EFCC1: variants seen among roughly 807,000 people sequenced by gnomAD.
EFCC1 encodes the protein EF-hand and coiled-coil domain containing 1.
EFCC1 carries 50 observed loss-of-function variants against 52.1 expected under a neutral mutation model. The ratio of observed to expected loss-of-function variants is 0.96; its 90% CI spans 0.76 to 1.21. EFCC1 has a LOEUF of 1.21. Among genes scored for constraint, EFCC1 ranks in the 50% most tolerant of loss-of-function variants. The pLI is 0.00. For synonymous variants in EFCC1, 399 were observed against 396.5 expected (o/e 1.01, Z -0.08); for missense variants, 837 against 867.3 (o/e 0.97, Z 0.44).
At chr3:129,019,394 C>A (rs528953847) in intron 2 of EFCC1, among the ~76,000 whole-genome samples, 4 of 152,274 alleles carry the variant, frequency 2.6e-5, no homozygotes, top group Admixed American at 2.6e-4. Context: ...TTTAGAAGCC[C>A]AGTCAGTCCA....
intron 2 of EFCC1, among the ~76,000 whole-genome samples, chr3:129,020,256 G>C (rs1559966393): frequency 6.6e-6 from 1 of 152,160 alleles, no homozygotes; most frequent in African/African-American, 2.4e-5. Context: ...GTTAATATTT[G>C]TTAAGTGCCT....
At position 129,001,883 on chromosome 3, in the gene EFCC1, G is replaced by T. The variant is rs924726770; in HGVS notation, c.255G>T (p.Val85=). Residue 85 remains valine, a synonymous_variant, in exon 1 of 8, where the codon GTG becomes GTT. Transcript: ENST00000683648. ...CCGACTTCCGAGCGCTCTGCGCTGT[G>T]CTGGGGCTGCGCGCGGAGGGGGCCA... The part of the protein sequence containing the change: ...PRADFRALCA[V]LGLRAEGATT... 3.9e-6 allele frequency: 6 copies of T among 1,540,734 alleles called. No individual in the cohort carries two copies. Among genetic ancestry groups the T allele is most frequent in the Non-Finnish European group, 5.3e-6 (6 of 1,142,612 alleles).
At chr3:129,008,570 A>G (rs1470870030) in intron 2 of EFCC1, among the ~76,000 whole-genome samples, 1 of 152,152 alleles carries the variant, frequency 6.6e-6, no homozygotes, top group African/African-American at 2.4e-5. Flanking sequence ...ATTCAACAGT[A>G]TTTTCTAAGC....
Position 129,032,944 on chromosome 3 carries a change from C to G in EFCC1, c.1264C>G (p.Arg422Gly). The stretch of plus-strand genomic sequence containing the variant: ...AGCCGAGGCCAAGACACTGCTGGCC[C>G]GGCTCTCCAGCTGCAGAGGCAGGTG... ...PAAEAKTLLA[R>G]LSSCRGRCDD... Residue 422 changes from arginine to glycine, a missense_variant, in exon 4 of 8, where the codon CGG becomes GGG. By Grantham distance (125) the Arg-to-Gly change is moderately radical (BLOSUM62 -2). Transcript: ENST00000683648. The G allele has an allele frequency of 6.5e-7, 1 of 1,546,226 alleles. No individual in the cohort carries two copies. The highest frequency in any genetic ancestry group is 8.7e-7 in the Non-Finnish European group (1 of 1,144,018).
Position 129,034,311 on chromosome 3 carries a change from G to C in EFCC1, c.1434G>C (p.Leu478=), listed in dbSNP as rs1355130605. 4 of 1,613,998 alleles carry C rather than the reference G, an allele frequency of 2.5e-6. No homozygotes were observed. Among genetic ancestry groups the C allele is most frequent in the Non-Finnish European group, 3.4e-6 (4 of 1,180,024 alleles). Residue 478 remains leucine, a synonymous_variant, in exon 5 of 8, where the codon CTG becomes CTC. Transcript: ENST00000683648. ...CTCAGGGCTGCGGTGGGAGGACCCT[G>C]GGGACCTCTGAGGAGGAGGTCAGCA... The part of the protein sequence containing the change: ...LRTQGCGGRT[L]GTSEEEAELQ...
rs1158242018 is a variant in EFCC1 at position 129,039,703 on chromosome 3, T to C, written c.1664-9T>C. On this transcript the variant is annotated splice_polypyrimidine_tract_variant and intron_variant, in intron 7 of 7. Coordinates refer to ENST00000683648, the MANE Select transcript of EFCC1 (RefSeq NM_001377500.1). ...GATCCTGCCCTCCCTGCCTGCTGTT[T>C]CCCTCCAGAGGGAAGGCCCAGCCCT... The C allele has an allele frequency of 1.9e-6, 3 of 1,585,864 alleles. No individual in the cohort carries two copies.
intron 2 of EFCC1, among the ~76,000 whole-genome samples, chr3:129,019,194 C>T (rs1945723026): frequency 6.6e-6 from 1 of 152,244 alleles, no homozygotes; most frequent in African/African-American, 2.4e-5. Flanking sequence ...CCTTTGAATT[C>T]TTGAGTGGTC....
intron 2 of EFCC1, among the ~76,000 whole-genome samples, chr3:129,027,337 C>G (rs904920599): frequency 6.6e-6 from 1 of 152,146 alleles, no homozygotes; most frequent in Non-Finnish European, 1.5e-5. Context: ...GCCCGTGCCC[C>G]GTTTGGGCTG....
chr3:129,021,079 G>T (rs1414946428), intron 2 of EFCC1, among the ~76,000 whole-genome samples: 1 of 152,158 alleles, frequency 6.6e-6, no homozygotes, highest in Non-Finnish European at 1.5e-5. Context: ...TGACTGGAAG[G>T]GTGGTGCTCC....
Position 129,039,760 on chromosome 3 carries a change from T to C in EFCC1, c.1712T>C (p.Leu571Ser), listed in dbSNP as rs1576788645. ...AAILDALHQA[L>S]AACQLLRRQP... The stretch of plus-strand genomic sequence containing the variant: ...ATCCTGGATGCCCTGCACCAAGCCT[T>C]GGCTGCCTGCCAGCTGTTGCGGAGA... The change falls in exon 8 of 8, where the codon TTG becomes TCG. Residue 571 changes from leucine to serine, a missense_variant. By Grantham distance (145) the Leu-to-Ser change is moderately radical (BLOSUM62 -2). Transcript: ENST00000683648. 1.9e-6 allele frequency: 3 copies of C among 1,612,158 alleles called. No homozygotes were observed. The highest frequency in any genetic ancestry group is 2.5e-6 in the Non-Finnish European group (3 of 1,178,950).
At chr3:129,020,714 G>A (rs1320322301) in intron 2 of EFCC1, among the ~76,000 whole-genome samples, 1 of 152,198 alleles carries the variant, frequency 6.6e-6, no homozygotes, top group Non-Finnish European at 1.5e-5. Context: ...TTATTGGAGT[G>A]GCTGGCCCAG....
intron 3 of EFCC1, among the ~76,000 whole-genome samples, chr3:129,032,157 C>A (rs1313812714): frequency 6.6e-6 from 1 of 152,202 alleles, no homozygotes; most frequent in African/African-American, 2.4e-5. Context: ...CCTTCCTCCA[C>A]ACTACTCCAA....
chr3:129,025,935 G>A lies in EFCC1; in HGVS notation c.981-4768G>A, dbSNP rs549337473. 1.4e-4 allele frequency among the ~76,000 whole-genome samples: 21 copies of A among 152,382 alleles called. No homozygotes were observed. In the South Asian group the frequency reaches 3.9e-3, roughly 29 times the overall value. ...GCTGGGCCGGGTCATTCCAGAGCCT[G>A]CCTTCCAAGCTTCCCTTGTGCCTGG... On this transcript the variant is annotated intron_variant, in intron 2 of 7. Coordinates refer to ENST00000683648, the MANE Select transcript of EFCC1 (RefSeq NM_001377500.1).
intron 2 of EFCC1, among the ~76,000 whole-genome samples, chr3:129,020,358 C>G (rs1481388926): frequency 2.0e-5 from 3 of 152,106 alleles, no homozygotes; most frequent in Admixed American, 2.0e-4. Flanking sequence ...ATTGGGAAGG[C>G]TGGACAGATG....
At chr3:129,016,442 A>C (rs1316759065) in intron 2 of EFCC1, among the ~76,000 whole-genome samples, 1 of 151,960 alleles carries the variant, frequency 6.6e-6, no homozygotes, top group African/African-American at 2.4e-5. Context: ...GGGCTGGCTA[A>C]GCAAGCCTGA....
intron 1 of EFCC1, chr3:129,003,451 C>T: frequency 4.0e-6 from 1 of 249,444 alleles, no homozygotes; most frequent in Non-Finnish European, 6.4e-6. Flanking sequence ...CGCCACCCGG[C>T]AGGCTGAACG....
At chr3:129,007,045 G>A (rs1390628872) in intron 2 of EFCC1, among the ~76,000 whole-genome samples, 2 of 152,212 alleles carry the variant, frequency 1.3e-5, no homozygotes, top group Admixed American at 6.5e-5. Context: ...ACCAAGACCA[G>A]AGAGGAAGCA....
chr3:129,003,728 C>G (rs1944915819), intron 1 of EFCC1, 66 bp from the exon 2 acceptor site: 1 of 1,269,570 alleles, frequency 7.9e-7, no homozygotes, highest in East Asian at 3.5e-5. Flanking sequence ...GCCGTCGTGG[C>G]GGGCGTTCGT....
At chr3:129,012,245 C>T (rs781527931) in intron 2 of EFCC1, among the ~76,000 whole-genome samples, 4 of 152,216 alleles carry the variant, frequency 2.6e-5, no homozygotes, top group African/African-American at 9.7e-5. Context: ...TAGTACCTAC[C>T]GCACAGGGTA....
Sources: allele counts gnomAD v4.1 joint callset (sites outside exome capture counted in the v4.1 genomes callset), GRCh38; gene constraint gnomAD v4.1.1; transcripts MANE v1.5; gene names NCBI Gene and HGNC (gene_info 2026-07-23, HGNC 2026-07-21).